ATP5F1B: variants seen among roughly 807,000 people sequenced by gnomAD.
ATP5F1B encodes ATP synthase F(1) complex subunit beta, mitochondrial.
ATP5F1B carries 17 observed loss-of-function variants against 45.9 expected under a neutral mutation model. That is an observed-to-expected ratio of 0.37 (90% confidence interval 0.25 to 0.56). The LOEUF is 0.56. Ranked by LOEUF, ATP5F1B falls within the 20% of genes least tolerant of loss-of-function variation. The pLI, the probability that ATP5F1B is intolerant of heterozygous loss-of-function variation, is 0.80. For synonymous variants in ATP5F1B, 218 were observed against 256.5 expected (o/e 0.85, Z 1.43); for missense variants, 387 against 673.2 (o/e 0.57, Z 4.70).
intron 7 of ATP5F1B, among the ~76,000 whole-genome samples, chr12:56,640,861 G>A (rs1204401237): frequency 1.4e-5 from 2 of 141,626 alleles, no homozygotes; most frequent in African/African-American, 5.4e-5. Flanking sequence ...TAGAGACGGG[G>A]GTCTCTACTA....
At position 56,642,471 on chromosome 12, in the gene ATP5F1B, A is replaced by G. The variant is rs750171418; in HGVS notation, c.1061T>C (p.Ile354Thr). 2 of 1,613,958 alleles carry G rather than the reference A, an allele frequency of 1.2e-6. No individual in the cohort carries two copies. The highest frequency in any genetic ancestry group is 1.7e-6 in the Non-Finnish European group (2 of 1,180,032). ...ERITTTKKGS[I>T]TSVQAIYVPA... ...AATTTTTCTTACCTGTACAGAGGTG[A>G]TAGATCCCTTCTTGGTAGTGGTAAT... is the stretch of plus-strand genomic sequence containing the variant. The change falls in exon 7 of 10, where the codon ATC becomes ACC. Residue 354 changes from isoleucine (I) to threonine (T), a missense_variant. Physicochemically the swap from Ile to Thr is moderately conservative, Grantham distance 89. Around this residue, in one of 6 missense-constraint regions of ATP5F1B, gnomAD observed 154 missense variants for 361.4 expected, o/e 0.43. Transcript: ENST00000262030.
intron 7 of ATP5F1B, among the ~76,000 whole-genome samples, chr12:56,640,476 C>T (rs1423165560): frequency 1.3e-5 from 2 of 152,102 alleles, no homozygotes; most frequent in African/African-American, 2.4e-5. Context: ...GATCCACCCG[C>T]CTTGGCCTCC....
chr12:56,641,558 T>G (rs899909579), intron 7 of ATP5F1B, among the ~76,000 whole-genome samples: 2 of 151,998 alleles, frequency 1.3e-5, no homozygotes, highest in Admixed American at 1.3e-4. Flanking sequence ...TTTTTTTTTT[T>G]GTAGACGGAT....
intron 4 of ATP5F1B, 107 bp from the exon 5 acceptor site, chr12:56,643,694 G>T (rs1951529759): frequency 6.3e-7 from 1 of 1,578,796 alleles, no homozygotes; most frequent in Non-Finnish European, 8.7e-7. Context: ...CTCAGAAATT[G>T]CATCTGGCTT....
chr12:56,639,635 G>A (rs555444457), intron 8 of ATP5F1B, among the ~76,000 whole-genome samples: 1 of 152,122 alleles, frequency 6.6e-6, no homozygotes, highest in Non-Finnish European at 1.5e-5. Flanking sequence ...GCCAGGCATG[G>A]TGGCGCGCAC....
At position 56,642,644 on chromosome 12, in the gene ATP5F1B, A is replaced by C. The variant is rs1220838779; in HGVS notation, c.951+29T>G. ...CCTCATCCGAAGAAAGGCCAGATGA[A>C]CCAGGTCCTCTCAAGCCTTCCCTCT... On this transcript the variant is annotated intron_variant, in intron 6 of 9. Transcript: ENST00000262030. The C allele has an allele frequency of 6.2e-6, 10 of 1,614,066 alleles. No individual in the cohort carries two copies. In the East Asian group the frequency reaches 1.3e-4, roughly 22 times the overall value.
Position 56,639,570 on chromosome 12 carries a change from G to A in ATP5F1B, c.1288-263C>T, listed in dbSNP as rs74524561. ...GGGTGGATCATGAGGTCAGGAGATC[G>A]AGACCAGCCTGACCAACTGATGAAA... On this transcript the variant is annotated intron_variant, in intron 8 of 9. Coordinates refer to ENST00000262030, the MANE Select transcript of ATP5F1B (RefSeq NM_001686.4). Among the ~76,000 whole-genome samples the A allele has an allele frequency of 3.8e-3, 585 of 152,048 alleles. 4 individuals carry two copies. Among genetic ancestry groups the A allele is most frequent in the African/African-American group, 0.013 (554 of 41,462 alleles).
chr12:56,645,018 A>G, intron 2 of ATP5F1B, 63 bp from the exon 3 acceptor site: 1 of 1,611,938 alleles, frequency 6.2e-7, no homozygotes, highest in Non-Finnish European at 8.5e-7. Context: ...ACCTAAATCG[A>G]CCAAGACTCC....
At chr12:56,641,549 T>A (rs1459952917) in intron 7 of ATP5F1B, among the ~76,000 whole-genome samples, 2 of 152,000 alleles carry the variant, frequency 1.3e-5, no homozygotes, top group Non-Finnish European at 2.9e-5. Context: ...GCAGTAAATT[T>A]TTTTTTTTTG....
rs756620878 is a variant in ATP5F1B at position 56,643,357 on chromosome 12, T to C, written c.792+46A>G. 9 of 1,517,292 alleles carry C rather than the reference T, an allele frequency of 5.9e-6. No individual in the cohort carries two copies. In the Admixed American group the frequency reaches 1.5e-4, roughly 26 times the overall value. The allele number at this position is 1,517,292 out of a possible 1,614,324, so 94.0% of individuals were successfully genotyped here. A position where few individuals can be genotyped will look rare whatever the true frequency, so the allele number is the denominator to read the frequency against. ...GAACATGGCTTCAGTTGGCAATAGTTTCCTGGCGTAACTACCACGTGGACA... is the reference window on the plus strand; with the variant it reads ...GAACATGGCTTCAGTTGGCAATAGTCTCCTGGCGTAACTACCACGTGGACA... On this transcript the variant is annotated intron_variant, in intron 5 of 9. Coordinates refer to ENST00000262030, the MANE Select transcript of ATP5F1B (RefSeq NM_001686.4).
rs140513120 is a variant in ATP5F1B at position 56,642,718 on chromosome 12, C to T, written c.906G>A (p.Leu302=). 91 of 1,614,174 alleles carry T rather than the reference C, an allele frequency of 5.6e-5. 2 individuals are homozygous for T. The African/African-American group carries it at 9.3e-4, about 17-fold the overall frequency. Residue 302 remains leucine (L), a synonymous_variant, in exon 6 of 10, where the codon CTG becomes CTA. Transcript: ENST00000262030. ...AGCGAAAGATGTTATCAATAAATAG[C>T]AGTACATCTTGACCTTCTTGGTCTC... ...YFRDQEGQDV[L]LFIDNIFRFT... is the part of the protein sequence containing the mutation.
intron 5 of ATP5F1B, 38 bp downstream of exon 5, chr12:56,643,365 G>C (rs147549716): frequency 6.5e-7 from 1 of 1,545,096 alleles, no homozygotes; most frequent in Non-Finnish European, 8.8e-7. Flanking sequence ...GTTTCCTGGC[G>C]TAACTACCAC....
In ATP5F1B at chr12:56,643,275, G is replaced by A. The variant is rs1460185443; in HGVS notation, c.792+128C>T. The A allele has an allele frequency of 1.3e-5, 12 of 896,002 alleles. No individual in the cohort carries two copies. The East Asian group carries it at 2.0e-4, about 15-fold the overall frequency. The allele number at this position is 896,002 out of a possible 1,614,324, so 55.5% of individuals were successfully genotyped here. On this transcript the variant is annotated intron_variant, in intron 5 of 9. Transcript: ENST00000262030. ...GTTTCCTTTGTAGGCCCTGGGACAC[G>A]AAAATGAAAATATTAACATTTTCTT...
At position 56,645,941 on chromosome 12, in the gene ATP5F1B, A is replaced by C. The variant is rs755237119; in HGVS notation, c.23T>G (p.Val8Gly). The change falls in exon 1 of 10, where the codon GTG (valine) becomes GGG (glycine). Residue 8 changes from valine (V) to glycine (G), a missense_variant. Around this residue, in one of 6 missense-constraint regions of ATP5F1B, gnomAD observed 76 missense variants for 62.0 expected, o/e 1.23. Coordinates refer to ENST00000262030, the MANE Select transcript of ATP5F1B (RefSeq NM_001686.4). The stretch of plus-strand genomic sequence containing the variant: ...GGCCCCGGAGGCCGGAGCAGCGGCC[A>C]CCCGACCCACAAACCCCAACATGGC... The part of the protein sequence containing the change: MLGFVGR[V>G]AAAPASGALR... 1 of 1,604,936 alleles carries C rather than the reference A, an allele frequency of 6.2e-7. No individual in the cohort carries two copies. The highest frequency in any genetic ancestry group is 8.5e-7 in the Non-Finnish European group (1 of 1,176,536).
chr12:56,643,008 T>C (rs1348154424), intron 5 of ATP5F1B, 177 bp from the exon 6 acceptor site: 5 of 678,108 alleles, frequency 7.4e-6, no homozygotes, highest in South Asian at 4.3e-5. Flanking sequence ...CAGCTTCTTA[T>C]ATTAGTAAGG....
At position 56,644,020 on chromosome 12, in the gene ATP5F1B, T is replaced by C. The variant is rs369396184; in HGVS notation, c.486-62A>G. On this transcript the variant is annotated intron_variant, in intron 3 of 9. Coordinates refer to ENST00000262030, the MANE Select transcript of ATP5F1B (RefSeq NM_001686.4). ...TTGTTGAAAGCAAATGATAATCTTATATATCCCTCCCTATCAACTCTCAAG... is the reference window on the plus strand; with the variant it reads ...TTGTTGAAAGCAAATGATAATCTTACATATCCCTCCCTATCAACTCTCAAG... The C allele has an allele frequency of 2.9e-5, 45 of 1,576,226 alleles. No homozygotes were observed. The African/African-American group carries it at 3.4e-4, about 12-fold the overall frequency.
Position 56,640,062 on chromosome 12 carries a change from T to G in ATP5F1B, c.1205A>C (p.Asp402Ala). 1 of 1,613,426 alleles carries G rather than the reference T, an allele frequency of 6.2e-7. No homozygotes were observed. The highest frequency in any genetic ancestry group is 8.5e-7 in the Non-Finnish European group (1 of 1,179,864). ...LGIYPAVDPLDSTSRIMDPNI... is the reference protein window; with the variant it reads ...LGIYPAVDPLASTSRIMDPNI... ...GGGATCCATGATACGAGAGGTGGAG[T>G]CTAGAGGATCCACAGCTGGATAGAT... Residue 402 changes from aspartate (D) to alanine (A), a missense_variant, in exon 8 of 10, where the codon GAC (aspartate) becomes GCC (alanine). Coordinates refer to ENST00000262030, the MANE Select transcript of ATP5F1B (RefSeq NM_001686.4).
chr12:56,638,489 T>C, intron 9 of ATP5F1B, 66 bp from the exon 10 acceptor site: 2 of 1,242,714 alleles, frequency 1.6e-6, no homozygotes, highest in Admixed American at 1.8e-5. Context: ...CTGCATCATG[T>C]AACATTCCTC....
In ATP5F1B at chr12:56,645,894, C is replaced by G. The variant is rs1951546303; in HGVS notation, c.70G>C (p.Ala24Pro). ...SGALRRLTPSASLPPAQLLLR... is the reference protein window; with the variant it reads ...SGALRRLTPSPSLPPAQLLLR... ...AAGAGCTGAGCTGGGGGCAGCGACG[C>G]TGAAGGGGTGAGTCTCCGCAAGGCC... is the stretch of plus-strand genomic sequence containing the variant. Residue 24 changes from alanine (A) to proline (P), a missense_variant, in exon 1 of 10, where the codon GCG (alanine) becomes CCG (proline). Coordinates refer to ENST00000262030, the MANE Select transcript of ATP5F1B (RefSeq NM_001686.4). 1 of 1,608,144 alleles carries G rather than the reference C, an allele frequency of 6.2e-7. No individual in the cohort carries two copies. Among genetic ancestry groups the G allele is most frequent in the African/African-American group, 1.3e-5 (1 of 74,886 alleles).
Sources: gnomAD v4.1 joint callset for allele counts (sites outside exome capture counted in the v4.1 genomes callset) on GRCh38, gnomAD v4.1.1 for gene constraint, gnomAD v4.1.1 regional missense constraint, MANE v1.5 for transcripts, NCBI Gene and HGNC (gene_info 2026-07-23, HGNC 2026-07-21) for gene names.